The following RPS6KB1 variants were observed in gnomAD, a reference collection of about 807,000 sequenced individuals.
The protein encoded by RPS6KB1 is ribosomal protein S6 kinase beta-1.
Under a neutral mutation model 70.2 loss-of-function variants are expected in RPS6KB1, and 12 were observed. That is an observed-to-expected ratio of 0.17 (90% CI 0.11 to 0.28). RPS6KB1 has a LOEUF of 0.28. Among genes scored for constraint, RPS6KB1 ranks in the 10% least tolerant of loss-of-function variants. The pLI, the probability that RPS6KB1 is intolerant of heterozygous loss-of-function variation, is 1.00. For missense variants in RPS6KB1, 270 were observed against 646.6 expected (o/e 0.42, Z 6.32); for synonymous variants, 175 against 211.2 (o/e 0.83, Z 1.49).
chr17:59,928,263 T>C (rs1291934238), intron 5 of RPS6KB1, among the ~76,000 whole-genome samples: 1 of 152,212 alleles, frequency 6.6e-6, no homozygotes, highest in Admixed American at 6.5e-5. Context: ...TATGTATATG[T>C]ATATATGTGT....
chr17:59,901,294 T>C (rs2041922968), intron 1 of RPS6KB1, among the ~76,000 whole-genome samples: 1 of 150,806 alleles, frequency 6.6e-6, no homozygotes, highest in African/African-American at 2.4e-5. Context: ...GGACTACAGG[T>C]GCCCGCCACC....
chr17:59,902,158 G>C (rs1335257133), intron 1 of RPS6KB1, among the ~76,000 whole-genome samples: 2 of 130,312 alleles, frequency 1.5e-5, no homozygotes, highest in Non-Finnish European at 3.1e-5. Context: ...AGGCTGGAGT[G>C]CAGTGGTGTG....
chr17:59,909,429 G>A lies in RPS6KB1; in HGVS notation c.142-1133G>A, dbSNP rs188897594. On this transcript the variant is annotated intron_variant, in intron 1 of 14. Transcript: ENST00000225577. ...ACTACAGGCATGCGACACCGCACCCGTCTAATTTTTGTATTTTTATTAGAG... is the reference window on the plus strand; with the variant it reads ...ACTACAGGCATGCGACACCGCACCCATCTAATTTTTGTATTTTTATTAGAG... 7.7e-3 allele frequency among the ~76,000 whole-genome samples: 1,150 copies of A among 150,174 alleles called. 11 individuals carry two copies. Among genetic ancestry groups the A allele is most frequent in the African/African-American group, 0.027 (1,090 of 41,010 alleles).
intron 7 of RPS6KB1, among the ~76,000 whole-genome samples, chr17:59,933,518 ATTGTTGAACCAC>A (rs2044064881): frequency 6.6e-6 from 1 of 152,216 alleles, no homozygotes; most frequent in Non-Finnish European, 1.5e-5. Flanking sequence ...AGTCCCTGAG[ATTGTTGAACCAC>A]TTGTTATGAC....
At chr17:59,937,789 G>C in intron 12 of RPS6KB1, among the ~76,000 whole-genome samples, 1 of 152,126 alleles carries the variant, frequency 6.6e-6, no homozygotes, top group East Asian at 1.9e-4. Flanking sequence ...GAATTTCAAT[G>C]TACGAAATTT....
intron 5 of RPS6KB1, among the ~76,000 whole-genome samples, chr17:59,928,114 C>T (rs1185934110): frequency 1.2e-4 from 18 of 151,538 alleles, no homozygotes; most frequent in South Asian, 2.1e-4. Flanking sequence ...GCTGAGATCG[C>T]GCCAGTACAC....
At chr17:59,897,944 G>A (rs572564238) in intron 1 of RPS6KB1, among the ~76,000 whole-genome samples, 4 of 146,626 alleles carry the variant, frequency 2.7e-5, no homozygotes, top group African/African-American at 1.0e-4. Context: ...CAGCCTGGGC[G>A]ACACAGTGAG....
chr17:59,909,827 T>G (rs1398902335), intron 1 of RPS6KB1, among the ~76,000 whole-genome samples: 1 of 151,752 alleles, frequency 6.6e-6, no homozygotes, highest in African/African-American at 2.4e-5. Context: ...TCCTGGCTAA[T>G]ATGTGAAACC....
chr17:59,919,938 T>G (rs1453169578), intron 4 of RPS6KB1, among the ~76,000 whole-genome samples: 1 of 152,204 alleles, frequency 6.6e-6, no homozygotes, highest in African/African-American at 2.4e-5. Context: ...TTAGGTTTGA[T>G]CTTACCCCAC....
chr17:59,900,171 AACACACAC>A (rs759914423), intron 1 of RPS6KB1, among the ~76,000 whole-genome samples: 2,951 of 102,426 alleles, frequency 0.029, 66 homozygotes, highest in South Asian at 0.048. Context: ...CTAATTGCTA[AACACACAC>A]ACACACACAC....
chr17:59,912,623 T>G (rs1025206765), intron 2 of RPS6KB1, 61 bp from the exon 3 acceptor site: 10 of 1,557,752 alleles, frequency 6.4e-6, no homozygotes, highest in African/African-American at 1.4e-5. Flanking sequence ...TTTTCTTGAC[T>G]ATATGCTGAA....
intron 5 of RPS6KB1, among the ~76,000 whole-genome samples, chr17:59,929,475 C>G (rs1376517163): frequency 6.6e-6 from 1 of 152,186 alleles, no homozygotes; most frequent in East Asian, 1.9e-4. Flanking sequence ...TTTTCTTATT[C>G]CGTCACGTCT....
intron 4 of RPS6KB1, among the ~76,000 whole-genome samples, chr17:59,924,811 TTTTATTTATTTA>T (rs200181363): frequency 4.0e-5 from 6 of 148,608 alleles, no homozygotes; most frequent in East Asian, 1.9e-4. Flanking sequence ...CTTATTTTTA[TTTTATTTATTTA>T]TTTATTTATT....
chr17:59,933,200 AC>A (rs1320801205), intron 7 of RPS6KB1, among the ~76,000 whole-genome samples: 1 of 145,282 alleles, frequency 6.9e-6, no homozygotes, highest in Admixed American at 6.9e-5. Flanking sequence ...TCCTCCACCC[AC>A]CTTTTTTTTT....
At chr17:59,923,130 G>A (rs941008267) in intron 4 of RPS6KB1, among the ~76,000 whole-genome samples, 13 of 151,562 alleles carry the variant, frequency 8.6e-5, no homozygotes, top group African/African-American at 2.2e-4. Context: ...CCAAAGTGCT[G>A]GGATGACAGG....
intron 12 of RPS6KB1, among the ~76,000 whole-genome samples, chr17:59,938,323 C>G (rs1347458490): frequency 6.6e-6 from 1 of 151,736 alleles, no homozygotes; most frequent in East Asian, 1.9e-4. Flanking sequence ...CCACATCCAG[C>G]TAATTTTTAA....
At chr17:59,915,499 T>G (rs2042891246) in intron 4 of RPS6KB1, among the ~76,000 whole-genome samples, 1 of 151,984 alleles carries the variant, frequency 6.6e-6, no homozygotes, top group Admixed American at 6.6e-5. Context: ...GAACTCTCAC[T>G]CTGTTGTCCA....
chr17:59,906,912 T>G (rs2042300032), intron 1 of RPS6KB1: 1 of 151,490 alleles, frequency 6.6e-6, no homozygotes, highest in Non-Finnish European at 1.5e-5. Flanking sequence ...CAGGCTGGTT[T>G]CAAACTCCTG....
Position 59,895,336 on chromosome 17 carries a change from T to G in RPS6KB1, c.141+2011T>G, listed in dbSNP as rs112792401. 8.8e-3 allele frequency among the ~76,000 whole-genome samples: 976 copies of G among 110,504 alleles called. 6 individuals are homozygous for G. The highest frequency in any genetic ancestry group is 0.031 in the African/African-American group (871 of 27,832). 72.5% of individuals were successfully genotyped at this position (110,504 alleles called of 152,430 possible). A position where few individuals can be genotyped will look rare whatever the true frequency, so the allele number is the denominator to read the frequency against. On this transcript the variant is annotated intron_variant, in intron 1 of 14. Transcript: ENST00000225577. ...CGCCTGGCTTTTTTTTTTTTTTTTT[T>G]TTTGAGACAGGGTCTTCCTCTGTCA...
Sources: gnomAD v4.1 joint callset for allele counts (sites outside exome capture counted in the v4.1 genomes callset) on GRCh38, gnomAD v4.1.1 for gene constraint, MANE v1.5 for transcripts, NCBI Gene and HGNC (gene_info 2026-07-23, HGNC 2026-07-21) for gene names.